Variants in FAM178B observed in about 807,000 individuals in gnomAD.
The protein encoded by FAM178B is family with sequence similarity 178 member B, also known as protein FAM178B.
In FAM178B, 82 loss-of-function variants were observed where a neutral mutation model predicts 91.7. That is an observed-to-expected ratio of 0.89 (90% CI 0.75 to 1.07). The LOEUF is 1.07. Ranked by LOEUF, FAM178B falls within the 50% of genes least tolerant of loss-of-function variation. The pLI is 0.00. For missense variants in FAM178B, 769 were observed against 846.7 expected (o/e 0.91, Z 1.14); for synonymous variants, 368 against 359.4 (o/e 1.02, Z -0.27).
At chr2:96,961,312 GGTGTGTGT>G (rs70964889) in intron 5 of FAM178B, among the ~76,000 whole-genome samples, 17 of 146,754 alleles carry the variant, frequency 1.2e-4, no homozygotes, top group Admixed American at 4.0e-4. Flanking sequence ...AGCAGCAGAG[GGTGTGTGT>G]GTGTGTGTGT....
At chr2:96,965,276 G>A (rs1302944812) in intron 5 of FAM178B, among the ~76,000 whole-genome samples, 1 of 152,044 alleles carries the variant, frequency 6.6e-6, no homozygotes, top group Non-Finnish European at 1.5e-5. Context: ...CCAAAGCGCT[G>A]GGATTACAAG....
chr2:96,903,250 A>G (rs1025564870), intron 12 of FAM178B, among the ~76,000 whole-genome samples: 25 of 152,306 alleles, frequency 1.6e-4, no homozygotes, highest in Admixed American at 5.9e-4. Context: ...CATGTTAGCC[A>G]GGATAGTCTC....
chr2:96,897,893 GCTAA>G (rs1352205647), intron 13 of FAM178B: 13 of 918,920 alleles, frequency 1.4e-5, no homozygotes, highest in South Asian at 1.0e-4. Context: ...TGAGGCTCTG[GCTAA>G]CTGAGCCTCC....
chr2:96,955,586 A>G (rs1168676934), intron 6 of FAM178B, among the ~76,000 whole-genome samples: 1 of 152,184 alleles, frequency 6.6e-6, no homozygotes, highest in Non-Finnish European at 1.5e-5. Flanking sequence ...AGGCTGAGGC[A>G]GGAGAATCGC....
At chr2:96,924,616 G>A (rs1458982496) in intron 9 of FAM178B, among the ~76,000 whole-genome samples, 2 of 152,200 alleles carry the variant, frequency 1.3e-5, no homozygotes, top group Non-Finnish European at 2.9e-5. Flanking sequence ...CCAGGCACGC[G>A]CTCACAGGAC....
chr2:96,959,476 T>C (rs1311838547), intron 6 of FAM178B, among the ~76,000 whole-genome samples: 2 of 152,200 alleles, frequency 1.3e-5, no homozygotes, highest in African/African-American at 4.8e-5. Flanking sequence ...AAGCCCTGTA[T>C]AACTGGAAAA....
intron 12 of FAM178B, among the ~76,000 whole-genome samples, chr2:96,905,818 G>GTATATA (rs1226987241): frequency 3.8e-4 from 13 of 34,192 alleles, no homozygotes; most frequent in East Asian, 2.0e-3. Flanking sequence ...ATATATGTGT[G>GTATATA]TATATATATA....
intron 8 of FAM178B, among the ~76,000 whole-genome samples, chr2:96,943,154 T>C (rs756220934): frequency 6.6e-6 from 1 of 152,220 alleles, no homozygotes; most frequent in Non-Finnish European, 1.5e-5. Context: ...CACCAAAATT[T>C]TAAAATTTTG....
chr2:96,972,114 G>C lies in FAM178B; in HGVS notation c.351C>G (p.Phe117Leu). ...PTDWSPPPVE[F>L]LNPRVLQASR... The stretch of plus-strand genomic sequence containing the variant: ...TGGCCTGCAGCACCCTCGGGTTGAG[G>C]AATTCCACGGGCGGGGGGCTCCAGT... The change falls in exon 3 of 17, where the codon TTC becomes TTG. Residue 117 changes from phenylalanine to leucine, a missense_variant. Phe to Leu is a conservative substitution (Grantham distance 22, BLOSUM62 0). Coordinates refer to ENST00000490605, the MANE Select transcript of FAM178B (RefSeq NM_001122646.3). 1 of 1,523,804 alleles carries C rather than the reference G, an allele frequency of 6.6e-7. No homozygotes were observed. The highest frequency in any genetic ancestry group is 8.8e-7 in the Non-Finnish European group (1 of 1,133,578). The allele number at this position is 1,523,804 out of a possible 1,614,324, so 94.4% of individuals were successfully genotyped here. A position where few individuals can be genotyped will look rare whatever the true frequency, so the allele number is the denominator to read the frequency against.
At chr2:96,889,454 G>A (rs2080612127) in intron 14 of FAM178B, among the ~76,000 whole-genome samples, 2 of 151,906 alleles carry the variant, frequency 1.3e-5, no homozygotes, top group East Asian at 1.9e-4. Flanking sequence ...CGAGGCAGGT[G>A]GATCACCTGA....
At chr2:96,887,566 C>T (rs1354679805) in intron 14 of FAM178B, among the ~76,000 whole-genome samples, 2 of 152,182 alleles carry the variant, frequency 1.3e-5, no homozygotes, top group African/African-American at 4.8e-5. Context: ...AAAGACGCGG[C>T]GTTGAGAACA....
chr2:96,927,070 C>T (rs755837285), intron 9 of FAM178B, among the ~76,000 whole-genome samples: 1 of 152,220 alleles, frequency 6.6e-6, no homozygotes, highest in Non-Finnish European at 1.5e-5. Flanking sequence ...AGAAGATAGC[C>T]TGCCGTGGGG....
At chr2:96,916,806 T>C (rs1412530236) in intron 12 of FAM178B, among the ~76,000 whole-genome samples, 1 of 151,892 alleles carries the variant, frequency 6.6e-6, no homozygotes, top group Non-Finnish European at 1.5e-5. Context: ...TCAGCAGGAG[T>C]TCTCGCTTTG....
chr2:96,894,470 G>A (rs2080764233), intron 13 of FAM178B, among the ~76,000 whole-genome samples: 1 of 95,430 alleles, frequency 1.0e-5, no homozygotes, highest in African/African-American at 4.3e-5. Context: ...CCCCTCCACA[G>A]ACCCCACATC....
At chr2:96,939,731 T>C (rs2081694881) in intron 8 of FAM178B, among the ~76,000 whole-genome samples, 1 of 152,048 alleles carries the variant, frequency 6.6e-6, no homozygotes. Flanking sequence ...TGGCACGCAT[T>C]GCACACACAG....
chr2:96,986,256 G>A lies in FAM178B; in HGVS notation c.58C>T (p.Arg20Trp). ...LAPQLRRQDQ[R>W]LHFTGQMSHG... ...GTTTCCTTACCTGTAAAATGGAGCC[G>A]CTGATCCTGCCTCCTGAGTTGTGGA... The change falls in exon 1 of 17, where the codon CGG (arginine) becomes TGG (tryptophan). Residue 20 changes from arginine (R) to tryptophan (W), a missense_variant. By Grantham distance (101) the Arg-to-Trp change is moderately radical. Coordinates refer to ENST00000490605, the MANE Select transcript of FAM178B (RefSeq NM_001122646.3). 6.5e-7 allele frequency: 1 copy of A among 1,534,470 alleles called. No homozygotes were observed. The highest frequency in any genetic ancestry group is 8.7e-7 in the Non-Finnish European group (1 of 1,146,738).
intron 12 of FAM178B, among the ~76,000 whole-genome samples, chr2:96,903,334 C>T (rs1391110023): frequency 1.3e-5 from 2 of 152,250 alleles, no homozygotes; most frequent in Admixed American, 6.5e-5. Context: ...CCACCGCGCC[C>T]GGCTGAACTG....
At chr2:96,886,772 C>T (rs2080531880) in intron 14 of FAM178B, among the ~76,000 whole-genome samples, 1 of 152,190 alleles carries the variant, frequency 6.6e-6, no homozygotes, top group East Asian at 1.9e-4. Flanking sequence ...GGGACCTTCC[C>T]CACTGTGCTT....
intron 12 of FAM178B, among the ~76,000 whole-genome samples, chr2:96,909,999 C>T (rs769300053): frequency 2.0e-5 from 3 of 152,160 alleles, no homozygotes; most frequent in Non-Finnish European, 4.4e-5. Context: ...ACCCGCATTC[C>T]TTCATGCCGA....
Sources: allele counts gnomAD v4.1 joint callset (sites outside exome capture counted in the v4.1 genomes callset), GRCh38; gene constraint gnomAD v4.1.1; transcripts MANE v1.5; gene names NCBI Gene and HGNC (gene_info 2026-07-23, HGNC 2026-07-21).